The following C1orf21 variants were observed in gnomAD, a reference collection of about 807,000 sequenced individuals.
C1orf21 encodes the protein chromosome 1 open reading frame 21, also known as uncharacterized protein C1orf21.
In C1orf21, 3 loss-of-function variants were observed where a neutral mutation model predicts 18.7. That is an observed-to-expected ratio of 0.16 (90% confidence interval 0.07 to 0.42). The LOEUF is 0.42. Ranked by LOEUF, C1orf21 falls within the 10% of genes least tolerant of loss-of-function variation. The probability of loss-of-function intolerance (pLI) is 0.99; values close to 1 mark genes in which losing one functional copy is unlikely to be tolerated. For synonymous variants in C1orf21, 41 were observed against 46.4 expected, an observed-to-expected ratio of 0.88 and a Z score of 0.47; for missense variants, 104 against 143.6, an observed-to-expected ratio of 0.72 and a Z score of 1.41.
rs545014953 is a variant in C1orf21, at chr1:184,623,787, G to A, written c.*4231G>A. 4 of 152,670 alleles carry A rather than the reference G, an allele frequency of 2.6e-5. No homozygotes were observed. The East Asian group carries it at 7.7e-4, about 29-fold the overall frequency. The allele number at this position is 152,670 out of a possible 1,614,324, so 9.5% of individuals were successfully genotyped here. On this transcript the variant is annotated 3_prime_UTR_variant, in exon 6 of 6. Transcript: ENST00000235307. Reference sequence around the variant, plus strand: ...GACTTTGGCAGTCACCTTTTTGTATGTCTCTAGAAAGGGGTCAAAAAACTA... The same window carrying A: ...GACTTTGGCAGTCACCTTTTTGTATATCTCTAGAAAGGGGTCAAAAAACTA...
rs935019606 is a variant in C1orf21 at position 184,522,629 on chromosome 1, T to G, written c.189+14947T>G. Among the ~76,000 whole-genome samples, 11 of 152,270 alleles carry G rather than the reference T, an allele frequency of 7.2e-5. No homozygotes were observed. In the South Asian group the frequency reaches 1.9e-3, roughly 26 times the overall value. ...ATAATTTGAGCAACAAAATATGTAATGTAGTGTTAGATTACACTATTAATC... is the reference window on the plus strand; with the variant it reads ...ATAATTTGAGCAACAAAATATGTAAGGTAGTGTTAGATTACACTATTAATC... On this transcript the variant is annotated intron_variant, in intron 3 of 5. Coordinates refer to ENST00000235307, the MANE Select transcript of C1orf21 (RefSeq NM_030806.4).
At chr1:184,489,166 C>A (rs1476562886) in intron 2 of C1orf21, among the ~76,000 whole-genome samples, 1 of 151,896 alleles carries the variant, frequency 6.6e-6, no homozygotes, top group African/African-American at 2.4e-5. Flanking sequence ...AGTCAAAAGA[C>A]AAATGTCAAA....
intron 2 of C1orf21, among the ~76,000 whole-genome samples, chr1:184,504,284 G>T (rs79268631): frequency 0.01 from 1,531 of 152,214 alleles, 26 homozygotes; most frequent in African/African-American, 0.033. Flanking sequence ...GAAGCTGGGG[G>T]GAGCCGAAGG....
intron 1 of C1orf21, among the ~76,000 whole-genome samples, chr1:184,419,592 C>T (rs979933781): frequency 3.3e-5 from 5 of 151,940 alleles, no homozygotes; most frequent in African/African-American, 1.2e-4. Flanking sequence ...ACAATACACA[C>T]AGTCATGTCA....
At chr1:184,522,314 A>G (rs1398061790) in intron 3 of C1orf21, among the ~76,000 whole-genome samples, 2 of 152,194 alleles carry the variant, frequency 1.3e-5, no homozygotes, top group African/African-American at 2.4e-5. Context: ...ACATGTATGT[A>G]TACACTTATT....
chr1:184,479,159 G>A (rs1374091233), intron 2 of C1orf21, among the ~76,000 whole-genome samples: 1 of 152,188 alleles, frequency 6.6e-6, no homozygotes, highest in Non-Finnish European at 1.5e-5. Context: ...GAGAACTGTG[G>A]AGAAGAGTAA....
chr1:184,484,353 G>C lies in C1orf21; in HGVS notation c.94+6750G>C, dbSNP rs540577001. Among the ~76,000 whole-genome samples the C allele has an allele frequency of 2.0e-5, 3 of 152,214 alleles. No individual in the cohort carries two copies. In the South Asian group the frequency reaches 6.2e-4, roughly 32 times the overall value. ...CTGCTTGGCACGGGCCCGTTTTCTCGACTTCATGTCTTTAAATCCTGCTTG... is the reference window on the plus strand; with the variant it reads ...CTGCTTGGCACGGGCCCGTTTTCTCCACTTCATGTCTTTAAATCCTGCTTG... On this transcript the variant is annotated intron_variant, in intron 2 of 5. Coordinates refer to ENST00000235307, the MANE Select transcript of C1orf21 (RefSeq NM_030806.4).
intron 1 of C1orf21, among the ~76,000 whole-genome samples, chr1:184,429,005 C>G (rs1373675329): frequency 6.6e-6 from 1 of 152,172 alleles, no homozygotes; most frequent in African/African-American, 2.4e-5. Context: ...TGATCCTACC[C>G]CTGGCTCCAT....
At chr1:184,485,089 C>T (rs769999297) in intron 2 of C1orf21, among the ~76,000 whole-genome samples, 47 of 152,132 alleles carry the variant, frequency 3.1e-4, no homozygotes, top group Non-Finnish European at 5.6e-4. Flanking sequence ...TGATTGCATT[C>T]AGCGAAGATG....
intron 1 of C1orf21, among the ~76,000 whole-genome samples, chr1:184,475,923 A>G (rs1198438730): frequency 6.6e-6 from 1 of 152,146 alleles, no homozygotes; most frequent in Non-Finnish European, 1.5e-5. Flanking sequence ...CCAACTCTAC[A>G]CTTCCTATTA....
chr1:184,538,520 A>G (rs1020430673), intron 3 of C1orf21, among the ~76,000 whole-genome samples: 4 of 152,180 alleles, frequency 2.6e-5, no homozygotes, highest in Non-Finnish European at 4.4e-5. Flanking sequence ...GTCATTGCCA[A>G]TAAATCACTG....
chr1:184,610,877 T>C (rs908381241), intron 5 of C1orf21, among the ~76,000 whole-genome samples: 2 of 150,364 alleles, frequency 1.3e-5, no homozygotes, highest in East Asian at 3.9e-4. Flanking sequence ...TTCTAAAATA[T>C]CCTCCTTACT....
chr1:184,555,357 C>A (rs756651772), intron 3 of C1orf21, among the ~76,000 whole-genome samples: 3 of 152,082 alleles, frequency 2.0e-5, no homozygotes, highest in Middle Eastern at 3.4e-3. Flanking sequence ...AGGCAGAGGC[C>A]CCTGTGAGCT....
intron 1 of C1orf21, among the ~76,000 whole-genome samples, chr1:184,389,230 G>C (rs1655933850): frequency 2.0e-5 from 3 of 152,100 alleles, no homozygotes; most frequent in African/African-American, 7.2e-5. Flanking sequence ...CTCAGCTCTT[G>C]GGTGGGTGGG....
chr1:184,520,641 A>C (rs1474564069), intron 3 of C1orf21, among the ~76,000 whole-genome samples: 1 of 152,228 alleles, frequency 6.6e-6, no homozygotes, highest in East Asian at 1.9e-4. Context: ...CCATCTAGTG[A>C]GACAAAGTAA....
intron 1 of C1orf21, among the ~76,000 whole-genome samples, chr1:184,475,324 C>G (rs1403662934): frequency 1.3e-5 from 2 of 152,116 alleles, no homozygotes; most frequent in African/African-American, 2.4e-5. Context: ...TATCAGCAGT[C>G]CAGTCCTCAG....
intron 1 of C1orf21, among the ~76,000 whole-genome samples, chr1:184,470,987 CCA>C (rs1377844259): frequency 3.3e-5 from 5 of 152,040 alleles, no homozygotes; most frequent in Non-Finnish European, 7.4e-5. Context: ...CTGCATGGGT[CCA>C]CACAGCTGTG....
intron 2 of C1orf21, among the ~76,000 whole-genome samples, chr1:184,478,975 ATT>A (rs1405621217): frequency 3.9e-5 from 2 of 51,532 alleles, no homozygotes; most frequent in Non-Finnish European, 3.8e-5. Flanking sequence ...CTTTTGGTTC[ATT>A]GTAATGATTG....
At chr1:184,569,767 A>G (rs1266457965) in intron 3 of C1orf21, among the ~76,000 whole-genome samples, 4 of 152,216 alleles carry the variant, frequency 2.6e-5, no homozygotes, top group Non-Finnish European at 4.4e-5. Flanking sequence ...GGGTGGTACT[A>G]TTTTGAAGAT....
Sources: gnomAD v4.1 joint callset for allele counts (sites outside exome capture counted in the v4.1 genomes callset) on GRCh38, gnomAD v4.1.1 for gene constraint, MANE v1.5 for transcripts, NCBI Gene and HGNC (gene_info 2026-07-23, HGNC 2026-07-21) for gene names.